OXR1: variants seen among roughly 807,000 people sequenced by gnomAD.
OXR1 encodes oxidation resistance protein 1.
Under a neutral mutation model 104.6 loss-of-function variants are expected in OXR1, and 41 were observed. The observed-to-expected ratio is 0.39, with a 90% CI of 0.31 to 0.51. OXR1 has a LOEUF of 0.51. Ranked by LOEUF, OXR1 falls within the 20% of genes least tolerant of loss-of-function variation. The probability of loss-of-function intolerance (pLI) is 0.77; values close to 1 mark genes in which losing one functional copy is unlikely to be tolerated. For synonymous variants in OXR1, 348 were observed against 348.4 expected (o/e 1.00, Z 0.01); for missense variants, 955 against 1,031.9 (o/e 0.93, Z 1.02).
chr8:106,303,881 C>G (rs746409437), intron 1 of OXR1, among the ~76,000 whole-genome samples: 2 of 152,100 alleles, frequency 1.3e-5, no homozygotes, highest in Non-Finnish European at 2.9e-5. Context: ...TCGCTTAAGA[C>G]AAAAGACATC....
rs1210599055 is a variant in OXR1 at position 106,751,692 on chromosome 8, G to T, written c.*751G>T. ...TCTATTGGATTTAATATATTAGCAA[G>T]AAAACATACTATTTACATATGTGTA... On this transcript the variant is annotated 3_prime_UTR_variant, in exon 17 of 17. Coordinates refer to ENST00000517566, the MANE Select transcript of OXR1 (RefSeq NM_001198533.2). 2 of 152,496 alleles carry T rather than the reference G, an allele frequency of 1.3e-5. No individual in the cohort carries two copies. Among genetic ancestry groups the T allele is most frequent in the Non-Finnish European group, 2.9e-5 (2 of 67,968 alleles). 9.4% of individuals were successfully genotyped at this position (152,496 alleles called of 1,614,324 possible).
At chr8:106,630,565 GAA>G (rs1214961301) in intron 3 of OXR1, among the ~76,000 whole-genome samples, 2 of 152,182 alleles carry the variant, frequency 1.3e-5, no homozygotes, top group Non-Finnish European at 2.9e-5. Context: ...AGGCACAACA[GAA>G]CTCATATGCA....
intron 2 of OXR1, among the ~76,000 whole-genome samples, chr8:106,514,184 T>C (rs1812719082): frequency 6.6e-6 from 1 of 152,138 alleles, no homozygotes; most frequent in Admixed American, 6.6e-5. Context: ...TATTATCAAA[T>C]AGGGTACTTT....
intron 1 of OXR1, among the ~76,000 whole-genome samples, chr8:106,311,687 C>A (rs567315271): frequency 3.3e-5 from 5 of 152,198 alleles, no homozygotes; most frequent in African/African-American, 7.2e-5. Context: ...TTTAACCAAC[C>A]ATTTTTCTCA....
At chr8:106,304,299 T>C (rs1052001918) in intron 1 of OXR1, among the ~76,000 whole-genome samples, 1 of 152,220 alleles carries the variant, frequency 6.6e-6, no homozygotes, top group African/African-American at 2.4e-5. Context: ...ATTTCTTCTG[T>C]CTGAAGTCAA....
At chr8:106,439,824 A>G (rs762219471) in intron 2 of OXR1, among the ~76,000 whole-genome samples, 1 of 152,172 alleles carries the variant, frequency 6.6e-6, no homozygotes, top group Non-Finnish European at 1.5e-5. Flanking sequence ...GAGAAACCCG[A>G]TATAAATACT....
intron 3 of OXR1, among the ~76,000 whole-genome samples, chr8:106,654,245 C>A (rs921652366): frequency 1.3e-5 from 2 of 151,976 alleles, no homozygotes; most frequent in Non-Finnish European, 2.9e-5. Flanking sequence ...ATAGCCAAAA[C>A]AATCTTCAAA....
intron 1 of OXR1, among the ~76,000 whole-genome samples, chr8:106,279,182 G>A (rs536219358): frequency 1.3e-5 from 2 of 152,224 alleles, no homozygotes; most frequent in African/African-American, 4.8e-5. Context: ...CAGTTACATT[G>A]GTGGGTGTAT....
chr8:106,341,633 C>T (rs1034194192), intron 1 of OXR1, among the ~76,000 whole-genome samples: 2 of 152,098 alleles, frequency 1.3e-5, no homozygotes, highest in African/African-American at 4.8e-5. Flanking sequence ...TTCTTCTGTC[C>T]TCTGAAAGCT....
chr8:106,688,400 GATGATAAGACAAT>G (rs930114658), intron 6 of OXR1, among the ~76,000 whole-genome samples: 1 of 151,744 alleles, frequency 6.6e-6, no homozygotes, highest in Admixed American at 6.6e-5. Context: ...GGATACACAT[GATGATAAGACAAT>G]ATAATTTTGA....
At chr8:106,554,904 T>C (rs2130444815) in intron 3 of OXR1, among the ~76,000 whole-genome samples, 1 of 152,222 alleles carries the variant, frequency 6.6e-6, no homozygotes, top group Non-Finnish European at 1.5e-5. Flanking sequence ...TTAAACTTTG[T>C]GAAAAAATGT....
chr8:106,474,271 G>A (rs1420270676), intron 2 of OXR1, among the ~76,000 whole-genome samples: 2 of 151,574 alleles, frequency 1.3e-5, no homozygotes, highest in African/African-American at 2.4e-5. Context: ...AGCTTCCAGT[G>A]TCTAGGAGGG....
chr8:106,663,875 C>T (rs922838520), intron 3 of OXR1, among the ~76,000 whole-genome samples: 17 of 152,162 alleles, frequency 1.1e-4, no homozygotes, highest in Admixed American at 7.2e-4. Context: ...TCTCTGGTGC[C>T]GTAAAGGTTG....
chr8:106,688,259 T>C (rs923310846), intron 6 of OXR1, among the ~76,000 whole-genome samples: 77 of 152,228 alleles, frequency 5.1e-4, no homozygotes, highest in African/African-American at 1.7e-3. Flanking sequence ...AAAGTACTTA[T>C]GTTTATATTA....
intron 7 of OXR1, among the ~76,000 whole-genome samples, chr8:106,699,542 C>T (rs539594656): frequency 1.3e-5 from 2 of 151,976 alleles, no homozygotes; most frequent in Non-Finnish European, 2.9e-5. Context: ...ATATTTTGTT[C>T]GTGTAAGTTT....
At chr8:106,296,997 C>G (rs533552806) in intron 1 of OXR1, among the ~76,000 whole-genome samples, 13 of 152,132 alleles carry the variant, frequency 8.5e-5, no homozygotes, top group African/African-American at 3.1e-4. Flanking sequence ...GATGGTAACG[C>G]TACTCAACAT....
chr8:106,544,992 A>G (rs7010155), intron 3 of OXR1, among the ~76,000 whole-genome samples: 7,457 of 152,224 alleles, frequency 0.049, 202 homozygotes, highest in Middle Eastern at 0.068. Context: ...GACTTTTTTA[A>G]ACTTGGCACT....
intron 2 of OXR1, among the ~76,000 whole-genome samples, chr8:106,360,152 G>T (rs1162109885): frequency 1.3e-5 from 2 of 151,998 alleles, no homozygotes; most frequent in African/African-American, 2.4e-5. Context: ...AATAATCTTT[G>T]ACTTTCAGTG....
At chr8:106,521,760 C>T (rs1019383087) in intron 3 of OXR1, among the ~76,000 whole-genome samples, 5 of 152,182 alleles carry the variant, frequency 3.3e-5, no homozygotes, top group African/African-American at 4.8e-5. Flanking sequence ...GATCTGCCCA[C>T]CTCAGCCTCC....
Sources: allele counts gnomAD v4.1 joint callset (sites outside exome capture counted in the v4.1 genomes callset), GRCh38; gene constraint gnomAD v4.1.1; transcripts MANE v1.5; gene names NCBI Gene and HGNC (gene_info 2026-07-23, HGNC 2026-07-21).